The following TMEM164 variants were observed in gnomAD, a reference collection of about 807,000 sequenced individuals.
TMEM164 encodes transmembrane protein 164.
Under a neutral mutation model 18.8 loss-of-function variants are expected in TMEM164, and 4 were observed. The ratio of observed to expected loss-of-function variants is 0.21; its 90% CI spans 0.10 to 0.49. TMEM164 has a LOEUF of 0.49. Ranked by LOEUF, TMEM164 falls within the 20% of genes least tolerant of loss-of-function variation. TMEM164 has a pLI of 0.98. For synonymous variants in TMEM164, 86 were observed against 101.7 expected, an observed-to-expected ratio of 0.85 and a Z score of 0.93; for missense variants, 108 against 239.9, an observed-to-expected ratio of 0.45 and a Z score of 3.63.
At chrX:110,136,875 AAC>A (rs2066698746) in intron 4 of TMEM164, among the ~76,000 whole-genome samples, 1 of 111,220 alleles carries the variant, frequency 9.0e-6, no homozygotes, top group Non-Finnish European at 1.9e-5. Context: ...TCCTGTTCTT[AAC>A]AGTTATTTCT....
intron 3 of TMEM164, among the ~76,000 whole-genome samples, chrX:110,093,487 A>G (rs935160485): frequency 9.8e-5 from 11 of 111,913 alleles, no homozygotes; most frequent in Non-Finnish European, 1.9e-4. Flanking sequence ...AGAGGTCTTT[A>G]TAGTATTCTC....
At chrX:110,097,287 A>C (rs993859395) in intron 3 of TMEM164, among the ~76,000 whole-genome samples, 1 of 112,358 alleles carries the variant, frequency 8.9e-6, no homozygotes, top group African/African-American at 3.2e-5. Context: ...TTTTGTTTTT[A>C]TAATACAAAT....
At chrX:110,022,400 G>C (rs893067935) in intron 2 of TMEM164, among the ~76,000 whole-genome samples, 3 of 111,222 alleles carry the variant, frequency 2.7e-5, no homozygotes, top group African/African-American at 3.3e-5. Context: ...TCAGGGATAG[G>C]TTTTCAGACT....
chrX:110,156,620 C>T, intron 5 of TMEM164, among the ~76,000 whole-genome samples: 1 of 111,259 alleles, frequency 9.0e-6, no homozygotes, highest in Non-Finnish European at 1.9e-5. Context: ...AAAATGCTAT[C>T]AACTGAGTAG....
intron 2 of TMEM164, among the ~76,000 whole-genome samples, chrX:110,031,100 C>T (rs1934485131): frequency 9.0e-6 from 1 of 111,024 alleles, no homozygotes; most frequent in South Asian, 3.9e-4. Flanking sequence ...GTTCCCTTCC[C>T]TGTGCCCATA....
intron 2 of TMEM164, among the ~76,000 whole-genome samples, chrX:110,060,266 G>GAAAAAAA (rs140796343): frequency 1.9e-5 from 1 of 51,489 alleles, no homozygotes; most frequent in Non-Finnish European, 3.3e-5. Flanking sequence ...GACCCTGTCT[G>GAAAAAAA]AAAAAAAAAA....
chrX:110,149,128 C>CGT (rs2066904161), intron 5 of TMEM164, among the ~76,000 whole-genome samples: 2 of 110,022 alleles, frequency 1.8e-5, no homozygotes, highest in African/African-American at 3.3e-5. Flanking sequence ...AGAGAAGCCC[C>CGT]ATAATATCCA....
rs999400339 is a variant in TMEM164 at position 110,082,793 on chromosome X, G to GT, written c.440+15406dup. The stretch of plus-strand genomic sequence containing the variant: ...TCTTTTTCCCTTGCCTTTTGTGTCA[G>GT]TTTTTTTTTCTTTCAAATATCATTA... On this transcript the variant is annotated intron_variant, in intron 3 of 6. Coordinates refer to ENST00000372068, the MANE Select transcript of TMEM164 (RefSeq NM_032227.4). Among the ~76,000 whole-genome samples the GT allele has an allele frequency of 4.6e-5, 5 of 108,605 alleles. No individual in the cohort carries two copies. The South Asian group carries it at 1.2e-3, about 26-fold the overall frequency. 94.3% of individuals were successfully genotyped at this position (108,605 alleles called of 115,157 possible).
intron 3 of TMEM164, among the ~76,000 whole-genome samples, chrX:110,075,901 G>T (rs1026695281): frequency 2.7e-5 from 3 of 110,893 alleles, no homozygotes; most frequent in African/African-American, 9.8e-5. Context: ...GTTCATCAGG[G>T]ATATTGGCCT....
intron 2 of TMEM164, among the ~76,000 whole-genome samples, chrX:110,063,737 TA>T (rs1171985316): frequency 1.8e-5 from 2 of 111,488 alleles, no homozygotes; most frequent in African/African-American, 6.5e-5. Context: ...AGGTGGGAGC[TA>T]TAATGAACCT....
intron 5 of TMEM164, among the ~76,000 whole-genome samples, chrX:110,166,943 A>T (rs867067586): frequency 5.5e-4 from 62 of 112,418 alleles, no homozygotes; most frequent in Middle Eastern, 4.6e-3. Flanking sequence ...TGTAGACTGG[A>T]TCATCTATTC....
chrX:110,067,612 A>G (rs1446667160), intron 3 of TMEM164, among the ~76,000 whole-genome samples: 1 of 111,933 alleles, frequency 8.9e-6, no homozygotes, highest in African/African-American at 3.2e-5. Context: ...TTTTTAGCAA[A>G]TCCTTCCAGT....
intron 2 of TMEM164, among the ~76,000 whole-genome samples, chrX:110,027,530 C>T (rs999222177): frequency 7.2e-5 from 8 of 110,972 alleles, no homozygotes; most frequent in African/African-American, 1.3e-4. Flanking sequence ...GAGGCCAAGG[C>T]GGGTGGATCA....
chrX:110,171,105 C>A (rs1183523580), intron 5 of TMEM164, among the ~76,000 whole-genome samples: 2 of 112,143 alleles, frequency 1.8e-5, no homozygotes, highest in Non-Finnish European at 1.9e-5. Context: ...AAAAGAAAAT[C>A]CTGAGGCAGA....
At chrX:110,179,888 G>A (rs1045337063), downstream of TMEM164, among the ~76,000 whole-genome samples, 1 of 112,030 alleles carries the variant, frequency 8.9e-6, no homozygotes, top group Admixed American at 9.4e-5. Flanking sequence ...TATGGTAGGA[G>A]GCACCACTGT....
chrX:110,023,838 G>A (rs1280867291), intron 2 of TMEM164, among the ~76,000 whole-genome samples: 4 of 111,684 alleles, frequency 3.6e-5, no homozygotes, highest in African/African-American at 1.3e-4. Context: ...TTGTATTGAC[G>A]AAGAACCATT....
At chrX:110,028,260 C>T (rs1013228173) in intron 2 of TMEM164, among the ~76,000 whole-genome samples, 5 of 112,235 alleles carry the variant, frequency 4.5e-5, no homozygotes, top group Non-Finnish European at 9.4e-5. Context: ...AAATCAATCT[C>T]ACTAGTAGTT....
chrX:110,108,347 A>T (rs2147973866), intron 3 of TMEM164, among the ~76,000 whole-genome samples: 1 of 111,101 alleles, frequency 9.0e-6, no homozygotes, highest in Admixed American at 9.6e-5. Flanking sequence ...TTCCTGAGTT[A>T]ATTGTGCTTG....
intron 2 of TMEM164, among the ~76,000 whole-genome samples, chrX:110,013,302 G>A (rs1193816944): frequency 8.9e-6 from 1 of 112,219 alleles, no homozygotes; most frequent in African/African-American, 3.2e-5. Context: ...ATAAGGTGCA[G>A]AGCCAGATTG....
Sources: gnomAD v4.1 joint callset for allele counts (sites outside exome capture counted in the v4.1 genomes callset) on GRCh38, gnomAD v4.1.1 for gene constraint, MANE v1.5 for transcripts, NCBI Gene and HGNC (gene_info 2026-07-23, HGNC 2026-07-21) for gene names.